The following CELF4 variants were observed in gnomAD, a reference collection of about 807,000 sequenced individuals.
CELF4 encodes the protein CUGBP Elav-like family member 4.
CELF4 carries 18 observed loss-of-function variants against 59.9 expected under a neutral mutation model. The ratio of observed to expected loss-of-function variants is 0.30; its 90% CI spans 0.21 to 0.45. The LOEUF is 0.45. Ranked by LOEUF, CELF4 falls within the 20% of genes least tolerant of loss-of-function variation. The pLI is 1.00. For missense variants in CELF4, 456 were observed against 689.0 expected, an observed-to-expected ratio of 0.66 and a Z score of 3.79; for synonymous variants, 261 against 267.1, an observed-to-expected ratio of 0.98 and a Z score of 0.22.
chr18:37,432,640 G>A (rs1316345998), intron 2 of CELF4, among the ~76,000 whole-genome samples: 1 of 152,198 alleles, frequency 6.6e-6, no homozygotes, highest in Non-Finnish European at 1.5e-5. Flanking sequence ...TGGCAAAAAT[G>A]TCTGCAAGGA....
chr18:37,562,933 G>A (rs562168143), intron 1 of CELF4, among the ~76,000 whole-genome samples: 3 of 152,266 alleles, frequency 2.0e-5, no homozygotes, highest in Middle Eastern at 6.8e-3. Context: ...CTGCGACAAC[G>A]AGGAACCCAG....
intron 9 of CELF4, chr18:37,266,293 C>T (rs1464699856): frequency 6.7e-6 from 4 of 594,194 alleles, no homozygotes; most frequent in African/African-American, 3.7e-5. Flanking sequence ...AAGGGTGAAA[C>T]TTCCACCTGG....
At chr18:37,325,336 G>A (rs1057123313) in intron 2 of CELF4, among the ~76,000 whole-genome samples, 2 of 152,156 alleles carry the variant, frequency 1.3e-5, no homozygotes, top group East Asian at 3.8e-4. Flanking sequence ...TTCTCTAGTC[G>A]GGCCTGAGAG....
chr18:37,455,154 G>A (rs374661217), intron 2 of CELF4, among the ~76,000 whole-genome samples: 7 of 152,226 alleles, frequency 4.6e-5, no homozygotes, highest in Admixed American at 2.6e-4. Context: ...AAACAGCAGC[G>A]CCTTCATTTT....
rs531728637 is a variant in CELF4 at position 37,436,129 on chromosome 18, C to T, written c.369+49396G>A. Among the ~76,000 whole-genome samples the T allele has an allele frequency of 3.3e-5, 5 of 152,296 alleles. No individual in the cohort carries two copies. The South Asian group carries it at 1.0e-3, about 32-fold the overall frequency. On this transcript the variant is annotated intron_variant, in intron 2 of 12. Transcript: ENST00000420428. ...GGCTGGCTCAGGGTGTGAAAAGCTC[C>T]GTTCCCAGGGAGCGGCAGGAACCAG...
At chr18:37,512,434 C>T (rs552633659) in intron 1 of CELF4, among the ~76,000 whole-genome samples, 4 of 151,382 alleles carry the variant, frequency 2.6e-5, no homozygotes, top group Admixed American at 2.6e-4. Context: ...TTTCTCCCTC[C>T]TCCCCCTTTT....
At position 37,474,173 on chromosome 18, in the gene CELF4, A is replaced by G. The variant is rs966314984; in HGVS notation, c.369+11352T>C. 1.2e-4 allele frequency among the ~76,000 whole-genome samples: 18 copies of G among 152,320 alleles called. No homozygotes were observed. The Middle Eastern group carries it at 0.01, about 86-fold the overall frequency. ...ACCCAAAGTGTTATTTGTTGAGGCC[A>G]CTGCAGCCAAATGAATTTCTAAGTG... On this transcript the variant is annotated intron_variant, in intron 2 of 12. Transcript: ENST00000420428.
intron 2 of CELF4, among the ~76,000 whole-genome samples, chr18:37,325,336 G>C (rs1057123313): frequency 6.6e-6 from 1 of 152,156 alleles, no homozygotes; most frequent in African/African-American, 2.4e-5. Context: ...TTCTCTAGTC[G>C]GGCCTGAGAG....
intron 2 of CELF4, among the ~76,000 whole-genome samples, chr18:37,465,989 A>G (rs2099807323): frequency 6.6e-6 from 1 of 152,098 alleles, no homozygotes; most frequent in African/African-American, 2.4e-5. Context: ...AGGGTCCTGG[A>G]GTGCTGGCAG....
chr18:37,377,658 TTTCAGGAAGACG>T (rs1379294589), intron 2 of CELF4, among the ~76,000 whole-genome samples: 1 of 152,224 alleles, frequency 6.6e-6, no homozygotes, highest in Non-Finnish European at 1.5e-5. Flanking sequence ...GCGACTGGGC[TTTCAGGAAGACG>T]GGTGTGTTCC....
chr18:37,445,728 G>A (rs1382923010), intron 2 of CELF4, among the ~76,000 whole-genome samples: 1 of 152,136 alleles, frequency 6.6e-6, no homozygotes, highest in Non-Finnish European at 1.5e-5. Flanking sequence ...GGAGGCATAA[G>A]TCCGATGCAT....
intron 1 of CELF4, among the ~76,000 whole-genome samples, chr18:37,486,802 C>G (rs2154603234): frequency 6.6e-6 from 1 of 152,326 alleles, no homozygotes; most frequent in East Asian, 1.9e-4. Context: ...AACCTGTGTT[C>G]CCTTCTGCCC....
chr18:37,275,528 C>T (rs2093019808), intron 3 of CELF4: 1 of 440,498 alleles, frequency 2.3e-6, no homozygotes, highest in Non-Finnish European at 4.2e-6. Flanking sequence ...TCGGCCTCCT[C>T]CCGCCTGCAG....
At chr18:37,357,260 T>A (rs2098605935) in intron 2 of CELF4, among the ~76,000 whole-genome samples, 1 of 152,134 alleles carries the variant, frequency 6.6e-6, no homozygotes, top group African/African-American at 2.4e-5. Flanking sequence ...ATGATATGGT[T>A]TGGCTGTGTC....
intron 3 of CELF4, among the ~76,000 whole-genome samples, chr18:37,287,607 C>T (rs996794005): frequency 2.2e-4 from 34 of 152,220 alleles, no homozygotes; most frequent in African/African-American, 8.0e-4. Flanking sequence ...TGGGGAATCC[C>T]AGGCCCCTGT....
chr18:37,565,798 CTCTT>C (rs1435135417), upstream of CELF4: 4 of 512,682 alleles, frequency 7.8e-6, no homozygotes, highest in Admixed American at 3.8e-5. Context: ...TCTGCTCTCT[CTCTT>C]TCTCCTCTTC....
chr18:37,455,402 T>C (rs1356063465), intron 2 of CELF4, among the ~76,000 whole-genome samples: 1 of 152,246 alleles, frequency 6.6e-6, no homozygotes. Flanking sequence ...TCTCTCCTCT[T>C]CTTCCAACTC....
intron 2 of CELF4, among the ~76,000 whole-genome samples, chr18:37,389,803 C>A (rs1469684741): frequency 6.6e-6 from 1 of 152,158 alleles, no homozygotes; most frequent in Non-Finnish European, 1.5e-5. Flanking sequence ...CTGCCCCCAC[C>A]CACACTGAAT....
intron 2 of CELF4, among the ~76,000 whole-genome samples, chr18:37,405,859 T>A (rs1168410984): frequency 6.6e-6 from 1 of 151,278 alleles, no homozygotes; most frequent in Non-Finnish European, 1.5e-5. Flanking sequence ...AGGCCAGGCA[T>A]GGGGTGGTGG....
Sources: gnomAD v4.1 joint callset for allele counts (sites outside exome capture counted in the v4.1 genomes callset) on GRCh38, gnomAD v4.1.1 for gene constraint, MANE v1.5 for transcripts, NCBI Gene and HGNC (gene_info 2026-07-23, HGNC 2026-07-21) for gene names.